The following SRSF12 variants were observed in gnomAD, a reference collection of about 807,000 sequenced individuals.
SRSF12 encodes serine/arginine-rich splicing factor 12.
Under a neutral mutation model 34.1 loss-of-function variants are expected in SRSF12, and 21 were observed. That is an observed-to-expected ratio of 0.62 (90% CI 0.44 to 0.89). The LOEUF is 0.89. SRSF12 is among the 40% of genes least tolerant of loss of function. The pLI, the probability that SRSF12 is intolerant of heterozygous loss-of-function variation, is 0.00. For synonymous variants in SRSF12, 111 were observed against 110.8 expected (o/e 1.00, Z -0.01); for missense variants, 278 against 327.8 (o/e 0.85, Z 1.17).
chr6:89,114,275 A>G (rs1466001127), intron 1 of SRSF12, among the ~76,000 whole-genome samples: 1 of 152,138 alleles, frequency 6.6e-6, no homozygotes, highest in East Asian at 1.9e-4. Flanking sequence ...TAAAAATACA[A>G]AAATTAGCCA....
intron 1 of SRSF12, among the ~76,000 whole-genome samples, chr6:89,107,599 C>T (rs920759390): frequency 1.3e-5 from 2 of 151,924 alleles, no homozygotes; most frequent in African/African-American, 2.4e-5. Flanking sequence ...GGTGTGGTAG[C>T]GTGTGCCTGT....
chr6:89,106,224 C>T (rs543330361), intron 2 of SRSF12, among the ~76,000 whole-genome samples: 3 of 152,196 alleles, frequency 2.0e-5, no homozygotes, highest in South Asian at 2.1e-4. Context: ...GAGATTCTCC[C>T]GCCTCAGCCT....
At chr6:89,112,218 A>T (rs1769086344) in intron 1 of SRSF12, among the ~76,000 whole-genome samples, 1 of 152,064 alleles carries the variant, frequency 6.6e-6, no homozygotes. Context: ...TCCCGGCCTA[A>T]AACTTATTTT....
At chr6:89,101,608 G>A (rs1647734391) in intron 4 of SRSF12, among the ~76,000 whole-genome samples, 1 of 151,974 alleles carries the variant, frequency 6.6e-6, no homozygotes, top group East Asian at 1.9e-4. Context: ...TGAGGCAGGA[G>A]AATCGCTTGA....
At chr6:89,111,911 CA>C (rs978511696) in intron 1 of SRSF12, among the ~76,000 whole-genome samples, 2 of 152,176 alleles carry the variant, frequency 1.3e-5, no homozygotes, top group African/African-American at 4.8e-5. Flanking sequence ...CTATATTTAA[CA>C]TTAAAAAATT....
In SRSF12 at chr6:89,117,835, G is replaced by A. The variant is rs1172812221; in HGVS notation, c.53C>T (p.Ala18Val). The A allele has an allele frequency of 1.3e-6, 2 of 1,558,450 alleles. No individual in the cohort carries two copies. The highest frequency in any genetic ancestry group is 1.4e-5 in the African/African-American group (1 of 70,408). ...PNTSLFIRNV[A>V]DATRPEDLRR... The stretch of plus-strand genomic sequence containing the variant: ...CGCGGCCGTTCACCTGGTGGCGTCC[G>A]CGACGTTCCTGATGAACAGGGAGGT... The change falls in exon 1 of 5, where the codon GCG (alanine) becomes GTG (valine). Residue 18 changes from alanine to valine, a missense_variant. Physicochemically the swap from Ala to Val is moderately conservative, Grantham distance 64. Coordinates refer to ENST00000452027, the MANE Select transcript of SRSF12 (RefSeq NM_080743.5).
intron 1 of SRSF12, among the ~76,000 whole-genome samples, chr6:89,115,427 C>T (rs546373490): frequency 6.6e-6 from 1 of 152,004 alleles, no homozygotes; most frequent in East Asian, 1.9e-4. Flanking sequence ...GGATTACAGG[C>T]GCCAGCCACC....
chr6:89,104,289 T>G (rs1158359812), intron 4 of SRSF12, among the ~76,000 whole-genome samples: 1 of 146,122 alleles, frequency 6.8e-6, no homozygotes, highest in African/African-American at 2.6e-5. Flanking sequence ...CAGGCTGGAG[T>G]GCAATGGCGT....
At position 89,117,856 on chromosome 6, in the gene SRSF12, G is replaced by A. The variant is rs761538450; in HGVS notation, c.32C>T (p.Ser11Phe). The A allele has an allele frequency of 1.9e-6, 3 of 1,562,104 alleles. No individual in the cohort carries two copies. The Admixed American group carries it at 5.6e-5, about 29-fold the overall frequency. Residue 11 changes from serine (S) to phenylalanine (F), a missense_variant, in exon 1 of 5, where the codon TCC (serine) becomes TTC (phenylalanine). By Grantham distance (155) the Ser-to-Phe change is radical (BLOSUM62 -2). Coordinates refer to ENST00000452027, the MANE Select transcript of SRSF12 (RefSeq NM_080743.5). MSRYTRPPNT[S>F]LFIRNVADAT... Reference sequence around the variant, plus strand: ...GTCCGCGACGTTCCTGATGAACAGGGAGGTGTTGGGGGGCCTCGTGTAGCG... The same window carrying A: ...GTCCGCGACGTTCCTGATGAACAGGAAGGTGTTGGGGGGCCTCGTGTAGCG...
In SRSF12 at chr6:89,111,645, T is replaced by C. The variant is rs1769054238; in HGVS notation, c.66-4387A>G. Among the ~76,000 whole-genome samples, 2 of 152,204 alleles carry C rather than the reference T, an allele frequency of 1.3e-5. 1 individual carries two copies. Among genetic ancestry groups the C allele is most frequent in the South Asian group, 4.1e-4 (2 of 4,832 alleles). ...GTATTTTATATCTTTTTTCTTGCCTTGTTGCACTGGTTAGGACCTGCAATA... is the reference window on the plus strand; with the variant it reads ...GTATTTTATATCTTTTTTCTTGCCTCGTTGCACTGGTTAGGACCTGCAATA... On this transcript the variant is annotated intron_variant, in intron 1 of 4. Transcript: ENST00000452027.
At position 89,117,849 on chromosome 6, in the gene SRSF12, G is replaced by A. The variant is rs1349416305; in HGVS notation, c.39C>T (p.Phe13=). 6 of 1,560,508 alleles carry A rather than the reference G, an allele frequency of 3.8e-6. No individual in the cohort carries two copies. The highest frequency in any genetic ancestry group is 5.2e-6 in the Non-Finnish European group (6 of 1,155,626). The change falls in exon 1 of 5, where the codon TTC becomes TTT. Residue 13 remains phenylalanine (F), a synonymous_variant. Coordinates refer to ENST00000452027, the MANE Select transcript of SRSF12 (RefSeq NM_080743.5). ...RYTRPPNTSL[F]IRNVADATRP... ...TGGTGGCGTCCGCGACGTTCCTGAT[G>A]AACAGGGAGGTGTTGGGGGGCCTCG... is the stretch of plus-strand genomic sequence containing the variant.
chr6:89,103,669 A>G (rs112275430), intron 4 of SRSF12, among the ~76,000 whole-genome samples: 1,850 of 152,212 alleles, frequency 0.012, 26 homozygotes, highest in Non-Finnish European at 0.015. Flanking sequence ...CATATTGCTC[A>G]GGATGGTCTT....
rs185724154 is a variant in SRSF12, at chr6:89,113,728, C to T, written c.65+4095G>A. On this transcript the variant is annotated intron_variant, in intron 1 of 4. Coordinates refer to ENST00000452027, the MANE Select transcript of SRSF12 (RefSeq NM_080743.5). ...GTGCCATCTTGACTCACTGCAGCCT[C>T]GACCACCTGGGCTCAGGCGATCCTC... Among the ~76,000 whole-genome samples the T allele has an allele frequency of 1.8e-3, 271 of 152,264 alleles. 1 individual carries two copies. The highest frequency in any genetic ancestry group is 6.2e-3 in the African/African-American group (259 of 41,550).
At chr6:89,114,009 G>C (rs1290893642) in intron 1 of SRSF12, among the ~76,000 whole-genome samples, 1 of 152,098 alleles carries the variant, frequency 6.6e-6, no homozygotes, top group Non-Finnish European at 1.5e-5. Flanking sequence ...ATACTACTTT[G>C]TACTAAAAGG....
intron 4 of SRSF12, among the ~76,000 whole-genome samples, chr6:89,100,944 A>C (rs1363712106): frequency 1.3e-5 from 2 of 152,102 alleles, no homozygotes; most frequent in Non-Finnish European, 2.9e-5. Context: ...ATCTCTACTA[A>C]AAATACAAAA....
At chr6:89,100,250 C>T (rs1300291321) in intron 4 of SRSF12, among the ~76,000 whole-genome samples, 1 of 152,174 alleles carries the variant, frequency 6.6e-6, no homozygotes, top group African/African-American at 2.4e-5. Context: ...TTATCAGACA[C>T]ACAGTGCTGA....
chr6:89,103,642 TAGAGAC>T (rs1212189738), intron 4 of SRSF12, among the ~76,000 whole-genome samples: 1 of 152,090 alleles, frequency 6.6e-6, no homozygotes, highest in East Asian at 1.9e-4. Context: ...GAATTTTTAG[TAGAGAC>T]AGGATTTCAC....
At chr6:89,107,387 T>C (rs1768843285) in intron 1 of SRSF12, 129 bp from the exon 2 acceptor site, 9 of 682,594 alleles carry the variant, frequency 1.3e-5, no homozygotes, top group Admixed American at 3.0e-5. Context: ...AAATTGTTTT[T>C]TGTAAGAATC....
chr6:89,103,799 T>C (rs1768650154), intron 4 of SRSF12, among the ~76,000 whole-genome samples: 1 of 152,146 alleles, frequency 6.6e-6, no homozygotes, highest in Non-Finnish European at 1.5e-5. Context: ...ATTATTCTAA[T>C]AGAAATAAAC....
Sources: gnomAD v4.1 joint callset for allele counts (sites outside exome capture counted in the v4.1 genomes callset) on GRCh38, gnomAD v4.1.1 for gene constraint, MANE v1.5 for transcripts, NCBI Gene and HGNC (gene_info 2026-07-23, HGNC 2026-07-21) for gene names.